TUBGCP3: variants seen among roughly 807,000 people sequenced by gnomAD.
The protein encoded by TUBGCP3 is gamma-tubulin complex component 3.
TUBGCP3 carries 50 observed loss-of-function variants against 123.1 expected under a neutral mutation model. The ratio of observed to expected loss-of-function variants is 0.41; its 90% CI spans 0.32 to 0.51. TUBGCP3 has a LOEUF of 0.51. Among genes scored for constraint, TUBGCP3 ranks in the 20% least tolerant of loss-of-function variants. TUBGCP3 has a pLI of 0.36. For synonymous variants in TUBGCP3, 405 were observed against 413.9 expected (o/e 0.98, Z 0.26); for missense variants, 882 against 1,127.0 (o/e 0.78, Z 3.11).
rs576666120 is a variant in TUBGCP3 at position 112,534,974 on chromosome 13, A to G, written c.1336-7490T>C. 1.7e-4 allele frequency among the ~76,000 whole-genome samples: 26 copies of G among 152,258 alleles called. No individual in the cohort carries two copies. The East Asian group carries it at 4.8e-3, about 28-fold the overall frequency. The stretch of plus-strand genomic sequence containing the variant: ...CTCCCCAGCCCCAGTCCCTGACAAC[A>G]TTAACTACTTTCTATCTCTACGCAT... On this transcript the variant is annotated intron_variant, in intron 11 of 21. Transcript: ENST00000261965.
At chr13:112,498,031 TAC>T (rs555379176) in intron 20 of TUBGCP3, among the ~76,000 whole-genome samples, 4 of 151,492 alleles carry the variant, frequency 2.6e-5, no homozygotes, top group African/African-American at 4.8e-5. Flanking sequence ...CATATACATG[TAC>T]ACACACACAC....
At chr13:112,490,697 C>G (rs1880024879) in intron 20 of TUBGCP3, among the ~76,000 whole-genome samples, 1 of 152,114 alleles carries the variant, frequency 6.6e-6, no homozygotes, top group East Asian at 1.9e-4. Flanking sequence ...GAGATTTCTC[C>G]ATCAATATTT....
intron 21 of TUBGCP3, among the ~76,000 whole-genome samples, chr13:112,488,604 C>A (rs1879838797): frequency 6.6e-6 from 1 of 151,060 alleles, no homozygotes; most frequent in African/African-American, 2.5e-5. Flanking sequence ...CAGGGGCCAC[C>A]CCCAGGTCCC....
At chr13:112,588,492 T>C (rs1317392531), upstream of TUBGCP3, among the ~76,000 whole-genome samples, 3 of 152,132 alleles carry the variant, frequency 2.0e-5, no homozygotes, top group East Asian at 5.8e-4. Flanking sequence ...AAAAGAAGCC[T>C]GTTTAAAGGG....
intron 20 of TUBGCP3, among the ~76,000 whole-genome samples, chr13:112,492,067 G>C (rs1880134822): frequency 6.6e-6 from 1 of 152,228 alleles, no homozygotes; most frequent in Non-Finnish European, 1.5e-5. Flanking sequence ...CTGTGTCCCA[G>C]TGGTTACCTT....
In TUBGCP3 at chr13:112,545,114, T is replaced by A. The variant is rs1878878486; in HGVS notation, c.1335+585A>T. On this transcript the variant is annotated intron_variant, in intron 11 of 21. Transcript: ENST00000261965. This position sits in a 1 kb window ranked among gnomAD's most constrained non-coding sequence, Gnocchi z 4.1. ...GCAGTGCTTATGTATTTCTTAAACT[T>A]TAACGTGTTAAACTGCACTACAACT... 1 of 152,780 alleles carries A rather than the reference T, an allele frequency of 6.5e-6. No homozygotes were observed. The highest frequency in any genetic ancestry group is 6.5e-5 in the Admixed American group (1 of 15,352). 9.5% of individuals were successfully genotyped at this position (152,780 alleles called of 1,614,324 possible). A position where few individuals can be genotyped will look rare whatever the true frequency, so the allele number is the denominator to read the frequency against.
At chr13:112,576,449 T>TTG (rs1202228550) in intron 1 of TUBGCP3, among the ~76,000 whole-genome samples, 1 of 152,090 alleles carries the variant, frequency 6.6e-6, no homozygotes, top group Non-Finnish European at 1.5e-5. Context: ...TGACAATAGA[T>TTG]TGTGTACTTG....
intron 11 of TUBGCP3, among the ~76,000 whole-genome samples, chr13:112,542,230 A>G (rs1179373469): frequency 6.6e-6 from 1 of 152,220 alleles, no homozygotes; most frequent in Non-Finnish European, 1.5e-5. Context: ...CTAATTAAAT[A>G]ACAAATTTTT....
upstream of TUBGCP3, among the ~76,000 whole-genome samples, chr13:112,588,736 G>C (rs1882801468): frequency 6.6e-6 from 1 of 152,158 alleles, no homozygotes; most frequent in Non-Finnish European, 1.5e-5. Context: ...CAGTGCAATC[G>C]TTAAAGCTTA....
At chr13:112,552,637 C>G (rs938977137) in intron 8 of TUBGCP3, among the ~76,000 whole-genome samples, 9 of 152,222 alleles carry the variant, frequency 5.9e-5, no homozygotes, top group African/African-American at 2.2e-4. Context: ...AGAAGATAAC[C>G]TGGGCAAGAT....
intron 16 of TUBGCP3, 61 bp from the exon 17 acceptor site, chr13:112,516,636 G>A (rs558830734): frequency 2.7e-4 from 409 of 1,512,052 alleles, no homozygotes; most frequent in Non-Finnish European, 3.5e-4. Context: ...CTCAGTACAG[G>A]TCTCAATCTT....
chr13:112,568,727 CTA>C, intron 2 of TUBGCP3, among the ~76,000 whole-genome samples: 1 of 152,346 alleles, frequency 6.6e-6, no homozygotes, highest in South Asian at 2.1e-4. Flanking sequence ...GCCCAGAGAA[CTA>C]TAAGGATGAA....
intron 11 of TUBGCP3, among the ~76,000 whole-genome samples, chr13:112,540,225 G>C (rs958757182): frequency 4.3e-4 from 62 of 145,018 alleles, no homozygotes; most frequent in Non-Finnish European, 8.5e-4. Flanking sequence ...TAGCCTATGA[G>C]CATTCAGGTG....
chr13:112,527,083 T>C lies in TUBGCP3; in HGVS notation c.1447-33A>G, dbSNP rs577110262. ...GAAAAACATTCTATGATTACTTTTA[T>C]GTAAATTTAAAACGACTGCCCAAAT... On this transcript the variant is annotated intron_variant, in intron 12 of 21. Coordinates refer to ENST00000261965, the MANE Select transcript of TUBGCP3 (RefSeq NM_006322.6). 14 of 1,560,036 alleles carry C rather than the reference T, an allele frequency of 9.0e-6. No individual in the cohort carries two copies. The South Asian group carries it at 9.0e-5, about 10-fold the overall frequency.
At chr13:112,570,456 T>C (rs1881309850) in intron 1 of TUBGCP3, among the ~76,000 whole-genome samples, 1 of 152,236 alleles carries the variant, frequency 6.6e-6, no homozygotes, top group Admixed American at 6.5e-5. Flanking sequence ...TTAGGTTTAA[T>C]ATACTGTGGT....
chr13:112,546,418 G>T, intron 10 of TUBGCP3: 1 of 153,084 alleles, frequency 6.5e-6, no homozygotes, highest in Non-Finnish European at 1.5e-5. Context: ...GAACTACACA[G>T]TATGAAGGAC....
intron 9 of TUBGCP3, 56 bp from the exon 10 acceptor site, chr13:112,547,808 T>C: frequency 2.2e-6 from 3 of 1,372,716 alleles, no homozygotes; most frequent in Non-Finnish European, 2.9e-6. Flanking sequence ...TAGATCACAC[T>C]TCTTAATCTA....
chr13:112,498,608 T>C (rs1880674205), intron 20 of TUBGCP3, among the ~76,000 whole-genome samples: 3 of 152,240 alleles, frequency 2.0e-5, no homozygotes, highest in Admixed American at 1.3e-4. Flanking sequence ...ACTTTCAGTG[T>C]AGAATGTGCT....
intron 20 of TUBGCP3, among the ~76,000 whole-genome samples, chr13:112,492,540 C>A (rs751331796): frequency 3.3e-5 from 5 of 152,258 alleles, no homozygotes; most frequent in Non-Finnish European, 7.3e-5. Context: ...ACCTCTCCCC[C>A]CAGAGGAGCC....
Sources: allele counts gnomAD v4.1 joint callset (sites outside exome capture counted in the v4.1 genomes callset), GRCh38; gene constraint gnomAD v4.1.1; non-coding constraint Gnocchi (gnomAD v3.1); transcripts MANE v1.5; gene names NCBI Gene and HGNC (gene_info 2026-07-23, HGNC 2026-07-21).